SHANK2: variants seen among roughly 807,000 people sequenced by gnomAD.
SHANK2 encodes SH3 and multiple ankyrin repeat domains 2.
A neutral mutation model predicts 133.7 loss-of-function variants in SHANK2; 43 were observed. The ratio of observed to expected loss-of-function variants is 0.32; its 90% CI spans 0.25 to 0.41. SHANK2 has a LOEUF of 0.41. Among genes scored for constraint, SHANK2 ranks in the 10% least tolerant of loss-of-function variants. The pLI is 1.00. For synonymous variants in SHANK2, 1,017 were observed against 952.8 expected (o/e 1.07, Z -1.24); for missense variants, 1,994 against 2,235.8 (o/e 0.89, Z 2.18).
At chr11:70,787,450 C>T (rs1431778831) in intron 14 of SHANK2, among the ~76,000 whole-genome samples, 1 of 150,414 alleles carries the variant, frequency 6.6e-6, no homozygotes, top group Non-Finnish European at 1.5e-5. Context: ...TCACCAAGAC[C>T]ACCACCACTA....
chr11:70,646,829 T>A (rs567946527), intron 17 of SHANK2, among the ~76,000 whole-genome samples: 282 of 81,956 alleles, frequency 3.4e-3, no homozygotes, highest in African/African-American at 0.011. Context: ...CTTTTATTTA[T>A]TTTATTTATT....
rs1314750262 is a variant in SHANK2 at position 70,487,885 on chromosome 11, G to A, written c.2573-165C>T. Among the ~76,000 whole-genome samples the A allele has an allele frequency of 6.6e-6, 1 of 152,224 alleles. No individual in the cohort carries two copies. Among genetic ancestry groups the A allele is most frequent in the African/African-American group, 2.4e-5 (1 of 41,462 alleles). On this transcript the variant is annotated intron_variant, in intron 24 of 25. Transcript: ENST00000601538. This position sits in a 1 kb window ranked among gnomAD's most constrained non-coding sequence, Gnocchi z 5.8. ...ACGATGCCGAGTGGTTAGTCACATGGCCCGTCGTGAGCCAAAGGACAAGAA... is the reference window on the plus strand; with the variant it reads ...ACGATGCCGAGTGGTTAGTCACATGACCCGTCGTGAGCCAAAGGACAAGAA...
At chr11:70,733,776 C>A (rs1272593889) in intron 14 of SHANK2, among the ~76,000 whole-genome samples, 1 of 152,108 alleles carries the variant, frequency 6.6e-6, no homozygotes, top group Non-Finnish European at 1.5e-5. Context: ...CCTGGCAGGT[C>A]TGGGGAAGAG....
chr11:70,885,774 G>A (rs1397838395), intron 11 of SHANK2, among the ~76,000 whole-genome samples: 3 of 152,182 alleles, frequency 2.0e-5, no homozygotes, highest in Non-Finnish European at 2.9e-5. Flanking sequence ...ATCCTCCAGC[G>A]GACACTCCCT....
At chr11:70,777,518 T>TCCA (rs1565309438) in intron 14 of SHANK2, among the ~76,000 whole-genome samples, 2 of 151,670 alleles carry the variant, frequency 1.3e-5, no homozygotes, top group African/African-American at 2.4e-5. Flanking sequence ...TACCTATCCA[T>TCCA]TCATCCATCC....
intron 10 of SHANK2, among the ~76,000 whole-genome samples, chr11:70,914,147 T>G (rs1394612464): frequency 6.6e-6 from 1 of 152,126 alleles, no homozygotes; most frequent in Admixed American, 6.5e-5. Context: ...AGCATCTTGT[T>G]ACAGGGCCCT....
chr11:71,081,183 G>A (rs1047480056), intron 8 of SHANK2, among the ~76,000 whole-genome samples: 5 of 152,132 alleles, frequency 3.3e-5, no homozygotes, highest in East Asian at 1.9e-4. Context: ...GAGAAAAGGC[G>A]GTGTCTGCAA....
intron 2 of SHANK2, among the ~76,000 whole-genome samples, chr11:71,185,104 G>A (rs782496618): frequency 5.3e-5 from 8 of 152,164 alleles, no homozygotes; most frequent in Non-Finnish European, 1.2e-4. Context: ...CAGGGGTACC[G>A]GTGGGGGCCT....
intron 14 of SHANK2, among the ~76,000 whole-genome samples, chr11:70,759,847 T>C (rs1204201096): frequency 6.6e-6 from 1 of 152,200 alleles, no homozygotes; most frequent in African/African-American, 2.4e-5. Flanking sequence ...CCAGCAGCCA[T>C]AACTATAACT....
At position 70,661,721 on chromosome 11, in the gene SHANK2, G is replaced by A. The variant is rs782586642; in HGVS notation, c.1854-43C>T. 1.1e-5 allele frequency: 18 copies of A among 1,613,928 alleles called. No individual in the cohort carries two copies. In the African/African-American group the frequency reaches 2.1e-4, roughly 19 times the overall value. ...GGGACAGCGACCATTATTGTAGCCC[G>A]TCATCATCACCGCGGCCGCTCCTCC... On this transcript the variant is annotated intron_variant, in intron 15 of 25. Transcript: ENST00000601538.
intron 17 of SHANK2, among the ~76,000 whole-genome samples, chr11:70,593,499 C>G (rs2060355708): frequency 6.6e-6 from 1 of 152,172 alleles, no homozygotes; most frequent in South Asian, 2.1e-4. Context: ...GTTTCCCCAC[C>G]TGGGCATGGT....
intron 11 of SHANK2, among the ~76,000 whole-genome samples, chr11:70,892,216 A>G (rs11237848): frequency 0.14 from 20,681 of 152,234 alleles, 1,936 homozygotes; most frequent in East Asian, 0.31. Context: ...GGTCTTAAGC[A>G]TCATCTTCCT....
chr11:70,663,814 C>G (rs1336749845), intron 15 of SHANK2, among the ~76,000 whole-genome samples: 2 of 152,210 alleles, frequency 1.3e-5, no homozygotes, highest in Non-Finnish European at 2.9e-5. Context: ...AGGGCTGACA[C>G]AGGGTCAGAG....
In SHANK2 at chr11:70,487,339, G is replaced by A; in HGVS notation, c.2954C>T (p.Pro985Leu). Residue 985 changes from proline to leucine, a missense_variant, in exon 25 of 26, where the codon CCA becomes CTA. Around this residue, in one of 5 missense-constraint regions of SHANK2, gnomAD observed 488 missense variants for 642.6 expected, o/e 0.76. Transcript: ENST00000601538. This position sits in a 1 kb window ranked among gnomAD's most constrained non-coding sequence, Gnocchi z 5.8. ...ANFRNKRGQM[P>L]ENPYSEVGKI... is the part of the protein sequence containing the mutation. The stretch of plus-strand genomic sequence containing the variant: ...CCCCACCTCTGAGTATGGGTTTTCT[G>A]GCATCTGGCCTCTCTTGTTGCGGAA... 6.2e-7 allele frequency: 1 copy of A among 1,614,172 alleles called. No homozygotes were observed. Among genetic ancestry groups the A allele is most frequent in the Non-Finnish European group, 8.5e-7 (1 of 1,180,034 alleles).
chr11:70,748,316 T>C (rs1166975199), intron 14 of SHANK2, among the ~76,000 whole-genome samples: 1 of 152,116 alleles, frequency 6.6e-6, no homozygotes, highest in Non-Finnish European at 1.5e-5. Context: ...AGGTCCCCCA[T>C]GGATGGAATC....
At chr11:70,648,211 C>T (rs1483628602) in intron 17 of SHANK2, among the ~76,000 whole-genome samples, 3 of 152,022 alleles carry the variant, frequency 2.0e-5, no homozygotes, top group African/African-American at 7.3e-5. Flanking sequence ...GACCCAAGAC[C>T]CAGAGGGGAT....
At chr11:71,085,466 A>G (rs1951365848) in intron 8 of SHANK2, among the ~76,000 whole-genome samples, 1 of 124,388 alleles carries the variant, frequency 8.0e-6, no homozygotes, top group Non-Finnish European at 1.6e-5. Context: ...AAATATATAT[A>G]TATATATAAT....
intron 15 of SHANK2, among the ~76,000 whole-genome samples, chr11:70,665,096 A>G (rs1006370410): frequency 4.6e-5 from 7 of 152,262 alleles, no homozygotes; most frequent in South Asian, 2.1e-4. Context: ...TGATCTCGAC[A>G]TCCAGGGCTA....
At chr11:70,584,967 T>A (rs1344451590) in intron 17 of SHANK2, among the ~76,000 whole-genome samples, 1 of 152,120 alleles carries the variant, frequency 6.6e-6, no homozygotes, top group Non-Finnish European at 1.5e-5. Flanking sequence ...GTGCCTGAGA[T>A]CGTCAGCGGA....
Sources: allele counts gnomAD v4.1 joint callset (sites outside exome capture counted in the v4.1 genomes callset), GRCh38; gene constraint gnomAD v4.1.1; regional missense constraint gnomAD v4.1.1; non-coding constraint Gnocchi (gnomAD v3.1); transcripts MANE v1.5; gene names NCBI Gene and HGNC (gene_info 2026-07-23, HGNC 2026-07-21).